The following CSMD3 variants were observed in gnomAD, a reference collection of about 807,000 sequenced individuals.
CSMD3 encodes the protein CUB and sushi domain-containing protein 3.
Under a neutral mutation model 435.2 loss-of-function variants are expected in CSMD3, and 177 were observed. That is an observed-to-expected ratio of 0.41 (90% CI 0.36 to 0.46). The LOEUF is 0.46. CSMD3 is among the 20% of genes least tolerant of loss of function. CSMD3 has a pLI of 0.34. For missense variants in CSMD3, 4,265 were observed against 4,504.6 expected (o/e 0.95, Z 1.52); for synonymous variants, 1,656 against 1,520.5 (o/e 1.09, Z -2.07).
intron 5 of CSMD3, among the ~76,000 whole-genome samples, chr8:113,073,419 G>A (rs1287673953): frequency 6.6e-6 from 1 of 151,806 alleles, no homozygotes; most frequent in Non-Finnish European, 1.5e-5. Flanking sequence ...ATTCAGTCTA[G>A]AGGAATGAAC....
intron 16 of CSMD3, among the ~76,000 whole-genome samples, chr8:112,672,945 A>G (rs977269794): frequency 6.6e-6 from 1 of 152,134 alleles, no homozygotes. Flanking sequence ...GGTACTCCAC[A>G]GCAGGAGATG....
intron 30 of CSMD3, among the ~76,000 whole-genome samples, chr8:112,502,620 CCT>C (rs1822088360): frequency 6.6e-6 from 1 of 152,108 alleles, no homozygotes. Context: ...GAGACTAACC[CCT>C]GTTCCTATGG....
chr8:112,272,086 C>A (rs1487071449), intron 59 of CSMD3, among the ~76,000 whole-genome samples: 1 of 152,214 alleles, frequency 6.6e-6, no homozygotes, highest in Admixed American at 6.5e-5. Flanking sequence ...AAGGTGCCAT[C>A]TTAGAAGCAA....
At chr8:112,608,333 T>G (rs765482800) in intron 22 of CSMD3, among the ~76,000 whole-genome samples, 2 of 152,072 alleles carry the variant, frequency 1.3e-5, no homozygotes, top group Non-Finnish European at 2.9e-5. Flanking sequence ...TGTTCATGGG[T>G]GAGAAGACTT....
intron 3 of CSMD3, among the ~76,000 whole-genome samples, chr8:113,181,451 T>C (rs944932707): frequency 3.9e-5 from 6 of 151,968 alleles, no homozygotes; most frequent in African/African-American, 1.4e-4. Context: ...AAATACAAGG[T>C]AGAAAATACT....
intron 4 of CSMD3, 67 bp downstream of exon 4, chr8:113,173,655 C>T (rs1765388693): frequency 1.6e-6 from 2 of 1,247,830 alleles, no homozygotes; most frequent in South Asian, 1.2e-5. Flanking sequence ...AAGAAACAGG[C>T]ACCAAACACA....
At chr8:112,592,908 TG>T (rs1270670259) in intron 22 of CSMD3, among the ~76,000 whole-genome samples, 1 of 152,128 alleles carries the variant, frequency 6.6e-6, no homozygotes, top group Non-Finnish European at 1.5e-5. Flanking sequence ...GTCTCTAGTA[TG>T]ATACAAGTTC....
intron 1 of CSMD3, among the ~76,000 whole-genome samples, chr8:113,394,210 C>T (rs2133169708): frequency 6.6e-6 from 1 of 151,094 alleles, no homozygotes; most frequent in South Asian, 2.1e-4. Flanking sequence ...TAATGGTAAA[C>T]ATACTTGGGA....
intron 2 of CSMD3, among the ~76,000 whole-genome samples, chr8:113,299,053 T>C (rs1231464697): frequency 6.6e-6 from 1 of 152,180 alleles, no homozygotes; most frequent in Non-Finnish European, 1.5e-5. Context: ...CATGTCCCTC[T>C]GGCTCACAAG....
At chr8:113,371,447 T>C (rs1283339071) in intron 1 of CSMD3, among the ~76,000 whole-genome samples, 1 of 152,144 alleles carries the variant, frequency 6.6e-6, no homozygotes, top group African/African-American at 2.4e-5. Flanking sequence ...CTCTGACAAT[T>C]CCCTGAATGA....
chr8:113,413,506 A>T (rs1471141741), intron 1 of CSMD3, among the ~76,000 whole-genome samples: 2 of 152,144 alleles, frequency 1.3e-5, no homozygotes, highest in Non-Finnish European at 2.9e-5. Flanking sequence ...TTTGTTCCAG[A>T]TCTAATGGGA....
intron 27 of CSMD3, among the ~76,000 whole-genome samples, chr8:112,526,017 TC>T (rs1332881891): frequency 6.7e-6 from 1 of 149,514 alleles, no homozygotes; most frequent in Non-Finnish European, 1.5e-5. Context: ...GAACTTTCAT[TC>T]TTCTAAAGAA....
At chr8:112,647,039 A>G (rs2074999055) in intron 19 of CSMD3, among the ~76,000 whole-genome samples, 1 of 151,990 alleles carries the variant, frequency 6.6e-6, no homozygotes, top group African/African-American at 2.4e-5. Context: ...AAAATGCTGT[A>G]ATTATTCGGT....
At chr8:113,071,190 G>C (rs543033047) in intron 5 of CSMD3, among the ~76,000 whole-genome samples, 2 of 151,900 alleles carry the variant, frequency 1.3e-5, no homozygotes, top group South Asian at 2.1e-4. Context: ...TTTTAGTTTT[G>C]CTACTGAGTT....
intron 70 of CSMD3, among the ~76,000 whole-genome samples, chr8:112,226,742 G>A (rs1017176358): frequency 1.3e-5 from 2 of 151,978 alleles, no homozygotes; most frequent in East Asian, 1.9e-4. Context: ...TATGAACAAA[G>A]TATTTGAATA....
At chr8:112,360,876 A>C (rs1428338098) in intron 38 of CSMD3, among the ~76,000 whole-genome samples, 2 of 151,978 alleles carry the variant, frequency 1.3e-5, no homozygotes, top group African/African-American at 4.8e-5. Context: ...TTTTTGCAGC[A>C]GTTTCTTTTT....
chr8:112,268,509 T>C (rs1391660944), intron 59 of CSMD3, among the ~76,000 whole-genome samples: 1 of 152,222 alleles, frequency 6.6e-6, no homozygotes, highest in Admixed American at 6.5e-5. Context: ...CACATTACTT[T>C]TTTCACAGGA....
At chr8:112,476,801 A>G (rs924926713) in intron 31 of CSMD3, among the ~76,000 whole-genome samples, 1 of 152,178 alleles carries the variant, frequency 6.6e-6, no homozygotes, top group African/African-American at 2.4e-5. Flanking sequence ...TTTGTTGCTC[A>G]TAACCTTATG....
intron 4 of CSMD3, among the ~76,000 whole-genome samples, chr8:113,131,545 A>G (rs1007712669): frequency 6.6e-6 from 1 of 152,096 alleles, no homozygotes; most frequent in African/African-American, 2.4e-5. Flanking sequence ...ACCTCTGCCC[A>G]GATTTCACAG....
Sources: gnomAD v4.1 joint callset for allele counts (sites outside exome capture counted in the v4.1 genomes callset) on GRCh38, gnomAD v4.1.1 for gene constraint, MANE v1.5 for transcripts, NCBI Gene and HGNC (gene_info 2026-07-23, HGNC 2026-07-21) for gene names.